The following SH3RF3 variants were observed in gnomAD, a reference collection of about 807,000 sequenced individuals.
SH3RF3 encodes the protein E3 ubiquitin-protein ligase SH3RF3.
A neutral mutation model predicts 66.3 loss-of-function variants in SH3RF3; 29 were observed. The ratio of observed to expected loss-of-function variants is 0.44; its 90% CI spans 0.33 to 0.60. The LOEUF is 0.60. SH3RF3 is among the 20% of genes least tolerant of loss of function. SH3RF3 has a pLI of 0.04. For missense variants in SH3RF3, 1,194 were observed against 1,190.9 expected, an observed-to-expected ratio of 1.00 and a Z score of -0.04; for synonymous variants, 583 against 532.0, an observed-to-expected ratio of 1.10 and a Z score of -1.32.
chr2:109,179,869 A>G (rs757556159), intron 1 of SH3RF3, among the ~76,000 whole-genome samples: 1 of 152,188 alleles, frequency 6.6e-6, no homozygotes, highest in African/African-American at 2.4e-5. Context: ...TACCCCTCAA[A>G]GTGCTCCTTA....
At chr2:109,392,929 T>C (rs1010960874) in intron 3 of SH3RF3, among the ~76,000 whole-genome samples, 1 of 152,190 alleles carries the variant, frequency 6.6e-6, no homozygotes, top group African/African-American at 2.4e-5. Context: ...GGGGTGCCTA[T>C]GAGGAGGGCG....
intron 1 of SH3RF3, among the ~76,000 whole-genome samples, chr2:109,230,743 T>C (rs1409434068): frequency 6.6e-6 from 1 of 152,232 alleles, no homozygotes; most frequent in Non-Finnish European, 1.5e-5. Flanking sequence ...ACTTATGATA[T>C]TGTTGACTTA....
In SH3RF3 at chr2:109,249,532, TTTCCTTCCTTCCTTCC is replaced by T. The variant is rs34592741; in HGVS notation, c.574-98103_574-98088del. 5.9e-3 allele frequency among the ~76,000 whole-genome samples: 566 copies of T among 96,432 alleles called. 5 individuals carry two copies. Among genetic ancestry groups the T allele is most frequent in the Admixed American group, 0.011 (100 of 9,014 alleles). 63.3% of individuals were successfully genotyped at this position (96,432 alleles called of 152,430 possible). A position where few individuals can be genotyped will look rare whatever the true frequency, so the allele number is the denominator to read the frequency against. ...TTCATTCTTTCTTTTTCTTTCTTTC[TTTCCTTCCTTCCTTCC>T]TTCCTTCCTTCCTTCCTTCCTTCCT... On this transcript the variant is annotated intron_variant, in intron 1 of 9. Coordinates refer to ENST00000309415, the MANE Select transcript of SH3RF3 (RefSeq NM_001099289.3).
At chr2:109,252,806 C>A (rs1680126750) in intron 1 of SH3RF3, among the ~76,000 whole-genome samples, 1 of 152,170 alleles carries the variant, frequency 6.6e-6, no homozygotes, top group African/African-American at 2.4e-5. Flanking sequence ...ATATCTGTGT[C>A]ATTTACCTAA....
At chr2:109,152,861 T>G (rs1026131297) in intron 1 of SH3RF3, among the ~76,000 whole-genome samples, 1 of 152,170 alleles carries the variant, frequency 6.6e-6, no homozygotes. Context: ...TTTCAAACTT[T>G]AAGAGTAAAT....
intron 5 of SH3RF3, among the ~76,000 whole-genome samples, chr2:109,421,844 G>A (rs554114155): frequency 8.5e-5 from 13 of 152,322 alleles, no homozygotes; most frequent in African/African-American, 1.7e-4. Flanking sequence ...GTGATGGTCC[G>A]TTCCATGTGT....
At chr2:109,386,693 T>G (rs973629135) in intron 3 of SH3RF3, among the ~76,000 whole-genome samples, 1 of 152,158 alleles carries the variant, frequency 6.6e-6, no homozygotes, top group Non-Finnish European at 1.5e-5. Flanking sequence ...CCCTCAGGTG[T>G]CAGTCCAGGT....
At chr2:109,334,921 C>G (rs563130015) in intron 1 of SH3RF3, among the ~76,000 whole-genome samples, 10 of 152,326 alleles carry the variant, frequency 6.6e-5, no homozygotes, top group South Asian at 6.2e-4. Flanking sequence ...TTTAGGCTGG[C>G]CTTCCTGGAA....
intron 1 of SH3RF3, among the ~76,000 whole-genome samples, chr2:109,180,328 C>T (rs1385620372): frequency 2.0e-5 from 3 of 152,136 alleles, no homozygotes; most frequent in African/African-American, 7.2e-5. Flanking sequence ...ATGACTTTTT[C>T]TCTGTTTCCT....
At chr2:109,171,483 C>T (rs1216394593) in intron 1 of SH3RF3, among the ~76,000 whole-genome samples, 1 of 152,240 alleles carries the variant, frequency 6.6e-6, no homozygotes, top group Non-Finnish European at 1.5e-5. Context: ...CCCCCTACCC[C>T]GACCCCTCAC....
In SH3RF3 at chr2:109,129,211, C is replaced by T. The variant is rs1163337761; in HGVS notation, c.-330C>T. ...GCGAGCCGCCGCTTGCAGCACAGAA[C>T]CCGTTGAGCTTCGTGCCCGGCAGCA... On this transcript the variant is annotated 5_prime_UTR_variant, in exon 1 of 10. Transcript: ENST00000309415. The T allele has an allele frequency of 2.5e-5, 13 of 521,804 alleles. No homozygotes were observed. The highest frequency in any genetic ancestry group is 1.0e-4 in the South Asian group (6 of 58,918). The allele number at this position is 521,804 out of a possible 1,614,324, so 32.3% of individuals were successfully genotyped here. A position where few individuals can be genotyped will look rare whatever the true frequency, so the allele number is the denominator to read the frequency against.
chr2:109,252,339 G>A (rs1271754894), intron 1 of SH3RF3, among the ~76,000 whole-genome samples: 1 of 152,024 alleles, frequency 6.6e-6, no homozygotes, highest in South Asian at 2.1e-4. Context: ...AACAGAAGCC[G>A]GGTTTATTTT....
chr2:109,335,960 G>A lies in SH3RF3; in HGVS notation c.574-11714G>A, dbSNP rs372344315. On this transcript the variant is annotated intron_variant, in intron 1 of 9. Transcript: ENST00000309415. ...TTGGGGGCTGGGAGTGGGATATGTC[G>A]GTGAGACTGATAGCACGATGTTGTC... Among the ~76,000 whole-genome samples, 279 of 152,264 alleles carry A rather than the reference G, an allele frequency of 1.8e-3. 2 individuals are homozygous for A. The highest frequency in any genetic ancestry group is 2.8e-3 in the Non-Finnish European group (189 of 68,020).
chr2:109,493,020 C>T (rs998022413), intron 9 of SH3RF3, among the ~76,000 whole-genome samples: 1 of 152,082 alleles, frequency 6.6e-6, no homozygotes, highest in African/African-American at 2.4e-5. Flanking sequence ...ACTCACCACA[C>T]ATACACCATA....
intron 1 of SH3RF3, among the ~76,000 whole-genome samples, chr2:109,321,133 C>G (rs993542953): frequency 6.6e-6 from 1 of 152,242 alleles, no homozygotes; most frequent in Non-Finnish European, 1.5e-5. Flanking sequence ...CACGGACACA[C>G]AAGACGCCAT....
intron 1 of SH3RF3, among the ~76,000 whole-genome samples, chr2:109,344,549 G>T (rs1292316775): frequency 9.2e-5 from 14 of 152,200 alleles, no homozygotes; most frequent in Non-Finnish European, 2.9e-5. Flanking sequence ...AAGCTCATAA[G>T]CAGCAGGTGC....
At chr2:109,423,995 G>T (rs1370472471) in intron 5 of SH3RF3, among the ~76,000 whole-genome samples, 1 of 152,244 alleles carries the variant, frequency 6.6e-6, no homozygotes, top group African/African-American at 2.4e-5. Flanking sequence ...GGTCGGAGAC[G>T]TCTGGGCCGC....
chr2:109,438,958 G>T (rs1020000637), intron 7 of SH3RF3, among the ~76,000 whole-genome samples: 3 of 152,172 alleles, frequency 2.0e-5, no homozygotes, highest in African/African-American at 7.2e-5. Context: ...ACTAGAAAGG[G>T]TGAGTGGCCC....
At chr2:109,383,847 C>T (rs1264286956) in intron 3 of SH3RF3, among the ~76,000 whole-genome samples, 2 of 152,142 alleles carry the variant, frequency 1.3e-5, no homozygotes, top group African/African-American at 2.4e-5. Context: ...GTGATCAGTC[C>T]GTCCTTATAC....
Sources: gnomAD v4.1 joint callset for allele counts (sites outside exome capture counted in the v4.1 genomes callset) on GRCh38, gnomAD v4.1.1 for gene constraint, MANE v1.5 for transcripts, NCBI Gene and HGNC (gene_info 2026-07-23, HGNC 2026-07-21) for gene names.